The following CCDC34 variants were observed in gnomAD, a reference collection of about 807,000 sequenced individuals.
CCDC34 encodes coiled-coil domain containing 34.
A neutral mutation model predicts 44.1 loss-of-function variants in CCDC34; 40 were observed. The ratio of observed to expected loss-of-function variants is 0.91; its 90% confidence interval spans 0.70 to 1.18. The LOEUF is 1.18. Ranked by LOEUF, CCDC34 falls within the 50% of genes most tolerant of loss-of-function variation. The pLI is 0.00. For synonymous variants in CCDC34, 159 were observed against 158.2 expected, an observed-to-expected ratio of 1.01 and a Z score of -0.04; for missense variants, 466 against 452.3, an observed-to-expected ratio of 1.03 and a Z score of -0.28.
chr11:27,355,379 T>C (rs924748469), intron 2 of CCDC34, among the ~76,000 whole-genome samples: 15 of 152,262 alleles, frequency 9.9e-5, no homozygotes, highest in African/African-American at 2.2e-4. Context: ...CATAAAAAAA[T>C]AGAGTGCTCA....
chr11:27,342,870 T>C (rs1344736864), intron 3 of CCDC34, among the ~76,000 whole-genome samples: 4 of 152,184 alleles, frequency 2.6e-5, no homozygotes, highest in Admixed American at 1.3e-4. Context: ...ACCAATGACA[T>C]AGCCAGTCTT....
Position 27,338,602 on chromosome 11 carries a change from T to G in CCDC34, c.*219A>C. ...CAATTCTTACATATTCAGCCACTTA[T>G]TCTGCAAAACAACATGCCAAGATCA... is the stretch of plus-strand genomic sequence containing the variant. On this transcript the variant is annotated 3_prime_UTR_variant, in exon 6 of 6. Transcript: ENST00000328697. 2 of 496,460 alleles carry G rather than the reference T, an allele frequency of 4.0e-6. No homozygotes were observed. The highest frequency in any genetic ancestry group is 3.5e-6 in the Non-Finnish European group (1 of 285,558). The allele number at this position is 496,460 out of a possible 1,614,324, so 30.8% of individuals were successfully genotyped here. A position where few individuals can be genotyped will look rare whatever the true frequency, so the allele number is the denominator to read the frequency against.
At chr11:27,351,971 G>A (rs2133345683) in intron 2 of CCDC34, among the ~76,000 whole-genome samples, 1 of 152,292 alleles carries the variant, frequency 6.6e-6, no homozygotes, top group East Asian at 1.9e-4. Context: ...CCGGCAAAAG[G>A]GAAAATTCAG....
intron 5 of CCDC34, among the ~76,000 whole-genome samples, chr11:27,340,375 C>A (rs1214873261): frequency 6.6e-6 from 1 of 152,112 alleles, no homozygotes; most frequent in Non-Finnish European, 1.5e-5. Flanking sequence ...GGCAAAACGA[C>A]CCCTTAAAAT....
chr11:27,358,136 TAGAC>T (rs925843745), intron 1 of CCDC34, among the ~76,000 whole-genome samples: 1 of 152,178 alleles, frequency 6.6e-6, no homozygotes, highest in Non-Finnish European at 1.5e-5. Context: ...TGCCAATCCT[TAGAC>T]AGGGTGTGTA....
intron 3 of CCDC34, among the ~76,000 whole-genome samples, chr11:27,342,489 C>T (rs1461266772): frequency 6.6e-6 from 1 of 151,616 alleles, no homozygotes. Context: ...GTGAATAATG[C>T]TCATTAAACA....
chr11:27,350,056 A>G (rs1862483745), intron 3 of CCDC34: 1 of 1,277,832 alleles, frequency 7.8e-7, no homozygotes, highest in Non-Finnish European at 9.9e-7. Context: ...GGCACTTGCC[A>G]TAAGGATCCA....
Position 27,350,444 on chromosome 11 carries a change from G to A in CCDC34, c.499-5C>T, listed in dbSNP as rs1862492417. The A allele has an allele frequency of 1.9e-6, 3 of 1,587,370 alleles. No homozygotes were observed. The highest frequency in any genetic ancestry group is 1.1e-5 in the South Asian group (1 of 87,778). On this transcript the variant is annotated splice_polypyrimidine_tract_variant and splice_region_variant and intron_variant, in intron 2 of 5. Transcript: ENST00000328697. The stretch of plus-strand genomic sequence containing the variant: ...TTCTAGTTGTTGATTTAATTCCTGT[G>A]GATTTTATTTAGACAAAAGGCAACA...
In CCDC34 at chr11:27,363,215, T is replaced by C. The variant is rs1176323555; in HGVS notation, c.-21A>G. On this transcript the variant is annotated 5_prime_UTR_variant, in exon 1 of 6. Coordinates refer to ENST00000328697, the MANE Select transcript of CCDC34 (RefSeq NM_030771.2). Reference sequence around the variant, plus strand: ...CACATCTGGCCCGCCAAGTTCAAACTGGCGGAGCCGCGGCGGGGACGCGCT... The same window carrying C: ...CACATCTGGCCCGCCAAGTTCAAACCGGCGGAGCCGCGGCGGGGACGCGCT... 2.8e-6 allele frequency: 4 copies of C among 1,440,342 alleles called. No individual in the cohort carries two copies. The highest frequency in any genetic ancestry group is 3.6e-6 in the Non-Finnish European group (4 of 1,103,418). 89.2% of individuals were successfully genotyped at this position (1,440,342 alleles called of 1,614,324 possible).
chr11:27,354,342 C>G (rs1862542928), intron 2 of CCDC34, among the ~76,000 whole-genome samples: 1 of 152,192 alleles, frequency 6.6e-6, no homozygotes, highest in African/African-American at 2.4e-5. Flanking sequence ...TTATTTTAAT[C>G]TGTTCTCAAA....
chr11:27,343,659 T>C (rs955867317), intron 3 of CCDC34, among the ~76,000 whole-genome samples: 5 of 152,188 alleles, frequency 3.3e-5, no homozygotes, highest in African/African-American at 1.2e-4. Flanking sequence ...CTATAAGAAA[T>C]CAACCAGTTC....
intron 3 of CCDC34, among the ~76,000 whole-genome samples, chr11:27,346,269 T>G (rs1862431368): frequency 6.6e-6 from 1 of 151,754 alleles, no homozygotes; most frequent in African/African-American, 2.4e-5. Context: ...GGTGGTATAC[T>G]CCTATAATCC....
chr11:27,346,319 C>T (rs1455104840), intron 3 of CCDC34, among the ~76,000 whole-genome samples: 4 of 151,618 alleles, frequency 2.6e-5, no homozygotes, highest in African/African-American at 9.7e-5. Context: ...TTGCTTGAGC[C>T]CGGGAGGCAG....
chr11:27,350,216 C>T (rs758172289), intron 3 of CCDC34, 116 bp downstream of exon 3: 1 of 1,581,314 alleles, frequency 6.3e-7, no homozygotes, highest in Admixed American at 1.9e-5. Flanking sequence ...ACAAAACAAG[C>T]CAAAGAAGAA....
intron 2 of CCDC34, among the ~76,000 whole-genome samples, chr11:27,355,585 C>T (rs139940962): frequency 6.6e-6 from 1 of 152,180 alleles, no homozygotes; most frequent in East Asian, 1.9e-4. Context: ...TACTTTGTTA[C>T]ATTTAATCCT....
chr11:27,338,873 T>G lies in CCDC34; in HGVS notation c.1070A>C (p.His357Pro). The G allele has an allele frequency of 6.2e-7, 1 of 1,613,956 alleles. No individual in the cohort carries two copies. Among genetic ancestry groups the G allele is most frequent in the Non-Finnish European group, 8.5e-7 (1 of 1,179,918 alleles). ...AAGGCAAAGATTGCTCCTGGCTTTA[T>G]GAATTACCAGAGATGATGACTTGTG... ...QPHKSSSLVI[H>P]KARSNLCLGT... Residue 357 changes from histidine to proline, a missense_variant, in exon 6 of 6, where the codon CAT becomes CCT. His to Pro is a moderately conservative substitution (Grantham distance 77). Coordinates refer to ENST00000328697, the MANE Select transcript of CCDC34 (RefSeq NM_030771.2).
At chr11:27,340,286 T>C (rs1229618535) in intron 5 of CCDC34, among the ~76,000 whole-genome samples, 1 of 152,202 alleles carries the variant, frequency 6.6e-6, no homozygotes, top group Non-Finnish European at 1.5e-5. Context: ...GTTCATGTGC[T>C]GTCTAGTATT....
At position 27,363,031 on chromosome 11, in the gene CCDC34, A is replaced by AGCGGCG; in HGVS notation, c.158_163dup (p.Pro53_Pro54dup). On this transcript the variant is annotated inframe_insertion, in exon 1 of 6. Transcript: ENST00000328697. ...GGTGGAATTGCTGCAGCTCAGCGGC[A>AGCGGCG]GCGGCGGCGACGGCGAGCGCACCAC... 1 of 1,614,136 alleles carries AGCGGCG rather than the reference A, an allele frequency of 6.2e-7. No homozygotes were observed. Among genetic ancestry groups the AGCGGCG allele is most frequent in the East Asian group, 2.2e-5 (1 of 44,870 alleles).
intron 3 of CCDC34, among the ~76,000 whole-genome samples, chr11:27,345,425 T>C (rs904976627): frequency 2.6e-5 from 4 of 152,162 alleles, no homozygotes; most frequent in South Asian, 4.1e-4. Context: ...CCTAATGCTA[T>C]CCCTCACCAC....
Sources: allele counts gnomAD v4.1 joint callset (sites outside exome capture counted in the v4.1 genomes callset), GRCh38; gene constraint gnomAD v4.1.1; transcripts MANE v1.5; gene names NCBI Gene and HGNC (gene_info 2026-07-23, HGNC 2026-07-21).